The following CSNK1G3 variants were observed in gnomAD, a reference collection of about 807,000 sequenced individuals.
CSNK1G3 encodes casein kinase 1 gamma 3, also known as casein kinase I isoform gamma-3.
Under a neutral mutation model 64.3 loss-of-function variants are expected in CSNK1G3, and 23 were observed. That is an observed-to-expected ratio of 0.36 (90% CI 0.26 to 0.51). The LOEUF (loss-of-function observed/expected upper bound fraction) is 0.51, where lower values mean the gene tolerates loss of function less well. Ranked by LOEUF, CSNK1G3 falls within the 20% of genes least tolerant of loss-of-function variation. The pLI is 0.96. For synonymous variants in CSNK1G3, 158 were observed against 162.2 expected, an observed-to-expected ratio of 0.97 and a Z score of 0.20; for missense variants, 357 against 510.5, an observed-to-expected ratio of 0.70 and a Z score of 2.90.
intron 2 of CSNK1G3, among the ~76,000 whole-genome samples, chr5:123,547,620 T>G (rs1251698239): frequency 6.6e-6 from 1 of 152,018 alleles, no homozygotes; most frequent in Non-Finnish European, 1.5e-5. Flanking sequence ...GGAATAGGAG[T>G]ATCGTGGCTT....
intron 1 of CSNK1G3, among the ~76,000 whole-genome samples, chr5:123,528,132 T>C (rs1247737663): frequency 6.6e-6 from 1 of 152,182 alleles, no homozygotes. Context: ...ATTTAGAGGC[T>C]CTTATTGTTT....
At chr5:123,616,618 G>C (rs1749497987) in exon 13 of CSNK1G3, 1 of 152,498 alleles carries the variant, frequency 6.6e-6, no homozygotes, top group South Asian at 2.1e-4. Flanking sequence ...GGTATGTTCA[G>C]GTTAAGCCAA....
intron 1 of CSNK1G3, among the ~76,000 whole-genome samples, chr5:123,543,091 T>C (rs532226518): frequency 1.3e-5 from 2 of 152,132 alleles, no homozygotes; most frequent in Non-Finnish European, 2.9e-5. Context: ...CTGCTTTACA[T>C]GTTTGGTAAT....
chr5:123,606,119 TTTG>T (rs1378672041), intron 12 of CSNK1G3, among the ~76,000 whole-genome samples: 1 of 152,094 alleles, frequency 6.6e-6, no homozygotes, highest in Non-Finnish European at 1.5e-5. Flanking sequence ...ATTATGCTCA[TTTG>T]TTGGCTGCAA....
intron 4 of CSNK1G3, among the ~76,000 whole-genome samples, chr5:123,566,248 G>T (rs533347324): frequency 6.6e-6 from 1 of 152,150 alleles, no homozygotes; most frequent in African/African-American, 2.4e-5. Flanking sequence ...AATTTTGGGG[G>T]AGTGAGGGTG....
chr5:123,612,217 T>C (rs1796454642), intron 12 of CSNK1G3, among the ~76,000 whole-genome samples: 1 of 152,186 alleles, frequency 6.6e-6, no homozygotes, highest in Non-Finnish European at 1.5e-5. Flanking sequence ...GTCTAGTCGG[T>C]GTTTACTGTT....
chr5:123,546,769 T>G (rs374156969), intron 2 of CSNK1G3, among the ~76,000 whole-genome samples: 1 of 152,148 alleles, frequency 6.6e-6, no homozygotes, highest in African/African-American at 2.4e-5. Flanking sequence ...TACTTCTTCT[T>G]TTCATCTTGT....
intron 3 of CSNK1G3, among the ~76,000 whole-genome samples, chr5:123,555,035 A>G (rs1972627): frequency 0.33 from 50,018 of 151,990 alleles, 8,263 homozygotes; most frequent in Middle Eastern, 0.43. Context: ...ACATACACAT[A>G]TATCACTTTT....
intron 4 of CSNK1G3, 152 bp downstream of exon 4, chr5:123,557,716 T>C: frequency 1.8e-6 from 1 of 562,002 alleles, no homozygotes; most frequent in Non-Finnish European, 3.1e-6. Flanking sequence ...AGGATCCCTT[T>C]TTTATTTTAT....
At chr5:123,564,935 T>G (rs1377799040) in intron 4 of CSNK1G3, among the ~76,000 whole-genome samples, 2 of 152,184 alleles carry the variant, frequency 1.3e-5, no homozygotes, top group Non-Finnish European at 2.9e-5. Flanking sequence ...TTTTATGCTC[T>G]TACCCTTTTT....
At chr5:123,560,959 T>A (rs1785582901) in intron 4 of CSNK1G3, among the ~76,000 whole-genome samples, 1 of 152,102 alleles carries the variant, frequency 6.6e-6, no homozygotes, top group South Asian at 2.1e-4. Flanking sequence ...TTAAAGATGG[T>A]TTAAATGACA....
chr5:123,538,811 G>A (rs559981434), intron 1 of CSNK1G3, among the ~76,000 whole-genome samples: 1 of 152,036 alleles, frequency 6.6e-6, no homozygotes, highest in Non-Finnish European at 1.5e-5. Flanking sequence ...TAGCCCATTT[G>A]GAAGTGTTTG....
intron 3 of CSNK1G3, 130 bp downstream of exon 3, chr5:123,553,277 C>G (rs1236635050): frequency 4.6e-6 from 2 of 435,140 alleles, no homozygotes; most frequent in Non-Finnish European, 8.2e-6. Context: ...ATATGCATAG[C>G]TAATCTTTGT....
At chr5:123,606,546 A>G (rs190823496) in intron 12 of CSNK1G3, among the ~76,000 whole-genome samples, 1 of 152,310 alleles carries the variant, frequency 6.6e-6, no homozygotes, top group East Asian at 1.9e-4. Context: ...ATAGGTTGAG[A>G]AAATTAAATG....
intron 3 of CSNK1G3, among the ~76,000 whole-genome samples, chr5:123,554,433 C>A (rs889115785): frequency 3.3e-5 from 5 of 152,064 alleles, no homozygotes; most frequent in Non-Finnish European, 5.9e-5. Context: ...TTTTACAGGT[C>A]TAGAAAGCCC....
chr5:123,530,162 A>G (rs1779699721), intron 1 of CSNK1G3, among the ~76,000 whole-genome samples: 1 of 152,064 alleles, frequency 6.6e-6, no homozygotes, highest in Admixed American at 6.6e-5. Context: ...GATAAAGGGT[A>G]TTACAAATGG....
intron 6 of CSNK1G3, among the ~76,000 whole-genome samples, chr5:123,576,303 A>C (rs1257863829): frequency 6.6e-6 from 1 of 152,156 alleles, no homozygotes; most frequent in Non-Finnish European, 1.5e-5. Flanking sequence ...AATTCAGTAC[A>C]TGTGGAAATT....
At chr5:123,613,442 T>A (rs1561641619) in intron 12 of CSNK1G3, among the ~76,000 whole-genome samples, 1 of 152,058 alleles carries the variant, frequency 6.6e-6, no homozygotes, top group Non-Finnish European at 1.5e-5. Flanking sequence ...TGCGTATGTA[T>A]GTATAATATA....
chr5:123,551,075 T>C (rs1219160512), intron 2 of CSNK1G3, among the ~76,000 whole-genome samples: 2 of 152,224 alleles, frequency 1.3e-5, no homozygotes, highest in Non-Finnish European at 2.9e-5. Context: ...TTAACCTAAC[T>C]TCTTGTCCTG....
Sources: gnomAD v4.1 joint callset for allele counts (sites outside exome capture counted in the v4.1 genomes callset) on GRCh38, gnomAD v4.1.1 for gene constraint, MANE v1.5 for transcripts, NCBI Gene and HGNC (gene_info 2026-07-23, HGNC 2026-07-21) for gene names.